Variants in TPST2 observed in about 807,000 individuals in gnomAD.
The protein encoded by TPST2 is protein-tyrosine sulfotransferase 2.
Under a neutral mutation model 27.8 loss-of-function variants are expected in TPST2, and 16 were observed. The observed-to-expected ratio is 0.58, with a 90% CI of 0.39 to 0.88. TPST2 has a LOEUF of 0.88. Ranked by LOEUF, TPST2 falls within the 40% of genes least tolerant of loss-of-function variation. TPST2 has a pLI of 0.00. For missense variants in TPST2, 464 were observed against 543.1 expected (o/e 0.85, Z 1.45); for synonymous variants, 229 against 231.7 (o/e 0.99, Z 0.10).
chr22:26,540,774 A>AG lies in TPST2; in HGVS notation c.842+14dup. 6.4e-7 allele frequency: 1 copy of AG among 1,555,976 alleles called. No homozygotes were observed. Among genetic ancestry groups the AG allele is most frequent in the South Asian group, 1.2e-5 (1 of 83,790 alleles). On this transcript the variant is annotated intron_variant, in intron 3 of 6. Transcript: ENST00000338754. ...GGGCCAGAGTCTGAGTGGAAGCATC[A>AG]GGGGCTCCACTCACTTGGACAGGGA...
chr22:26,556,543 A>G (rs1164860473), intron 1 of TPST2, among the ~76,000 whole-genome samples: 1 of 152,186 alleles, frequency 6.6e-6, no homozygotes, highest in Non-Finnish European at 1.5e-5. Flanking sequence ...TCCATCTCAA[A>G]AAAAAAGTGT....
chr22:26,588,369 G>T (rs1008462814), intron 1 of TPST2, among the ~76,000 whole-genome samples: 2 of 152,168 alleles, frequency 1.3e-5, no homozygotes, highest in African/African-American at 4.8e-5. Context: ...GTCAGTAAGT[G>T]GTTGCCAAGG....
At chr22:26,578,284 G>A (rs61475649) in intron 1 of TPST2, among the ~76,000 whole-genome samples, 2,565 of 152,236 alleles carry the variant, frequency 0.017, 64 homozygotes, top group African/African-American at 0.058. Flanking sequence ...TTTAGCGCCC[G>A]TGTGCTTCGT....
At chr22:26,587,381 G>C (rs1257944955) in intron 1 of TPST2, among the ~76,000 whole-genome samples, 1 of 152,132 alleles carries the variant, frequency 6.6e-6, no homozygotes, top group Non-Finnish European at 1.5e-5. Flanking sequence ...CTGTCACTTA[G>C]ACCGGAGTGC....
intron 1 of TPST2, among the ~76,000 whole-genome samples, chr22:26,557,246 GA>G (rs1289909042): frequency 1.3e-5 from 2 of 152,234 alleles, no homozygotes; most frequent in African/African-American, 4.8e-5. Flanking sequence ...CGCAGTGGAT[GA>G]GGGGAGGCAC....
chr22:26,587,317 C>T (rs1928382402), intron 1 of TPST2, among the ~76,000 whole-genome samples: 2 of 152,126 alleles, frequency 1.3e-5, no homozygotes, highest in Admixed American at 1.3e-4. Context: ...GCTCTGTAAG[C>T]CACTGGGTCC....
At chr22:26,571,550 G>A (rs536036663) in intron 1 of TPST2, among the ~76,000 whole-genome samples, 33 of 152,112 alleles carry the variant, frequency 2.2e-4, no homozygotes, top group African/African-American at 8.0e-4. Flanking sequence ...CTCAGTAGGT[G>A]GTCAATTAAT....
At chr22:26,560,581 T>C (rs1439010892) in intron 1 of TPST2, 3 of 943,880 alleles carry the variant, frequency 3.2e-6, no homozygotes, top group African/African-American at 1.6e-5. Context: ...CATGCATTTT[T>C]TGGGCAAACT....
At chr22:26,532,496 G>T (rs1925222718) in intron 5 of TPST2, among the ~76,000 whole-genome samples, 199 bp downstream of exon 5, 1 of 152,128 alleles carries the variant, frequency 6.6e-6, no homozygotes, top group South Asian at 2.1e-4. Flanking sequence ...GGTCAGGCTG[G>T]TCTTGAACTC....
intron 1 of TPST2, chr22:26,555,121 G>A: frequency 1.9e-6 from 1 of 527,904 alleles, no homozygotes; most frequent in Non-Finnish European, 3.8e-6. Context: ...GTGGAGCTGA[G>A]GGAATTTGCA....
chr22:26,573,722 C>T (rs1040521650), intron 1 of TPST2, among the ~76,000 whole-genome samples: 4 of 152,072 alleles, frequency 2.6e-5, no homozygotes, highest in African/African-American at 9.7e-5. Context: ...AAGCATGAGG[C>T]CTTCGTCCTG....
intron 3 of TPST2, among the ~76,000 whole-genome samples, chr22:26,538,711 A>T (rs1276878130): frequency 1.3e-5 from 2 of 152,120 alleles, no homozygotes; most frequent in African/African-American, 4.8e-5. Flanking sequence ...AATCCCAGCT[A>T]TTTGGGAGGC....
intron 1 of TPST2, among the ~76,000 whole-genome samples, chr22:26,547,135 T>A (rs1926170282): frequency 6.6e-6 from 1 of 152,176 alleles, no homozygotes; most frequent in African/African-American, 2.4e-5. Flanking sequence ...CAGCCCAGGC[T>A]GGAGTGCAGT....
At chr22:26,558,587 A>G (rs1008998377) in intron 1 of TPST2, among the ~76,000 whole-genome samples, 3 of 152,244 alleles carry the variant, frequency 2.0e-5, no homozygotes, top group Admixed American at 6.5e-5. Context: ...CTGGCTGGAC[A>G]GACAAATCAT....
rs752510173 is a variant in TPST2 at position 26,541,134 on chromosome 22, G to A, written c.497C>T (p.Ser166Leu). 21 of 1,607,358 alleles carry A rather than the reference G, an allele frequency of 1.3e-5. No individual in the cohort carries two copies. Among genetic ancestry groups the A allele is most frequent in the Middle Eastern group, 1.7e-4 (1 of 6,036 alleles). ...GGGGAACAGGCGCGACAGGTAGACC[G>A]AGGACTTGAGCGTAAATGGGTCCTT... Reference protein sequence around the residue: ...CNKDPFTLKSSVYLSRLFPNS... With the variant: ...CNKDPFTLKSLVYLSRLFPNS... The change falls in exon 3 of 7, where the codon TCG (serine) becomes TTG (leucine). Residue 166 changes from serine to leucine, a missense_variant. By Grantham distance (145) the Ser-to-Leu change is moderately radical. Coordinates refer to ENST00000338754, the MANE Select transcript of TPST2 (RefSeq NM_003595.5). This position sits in a 1 kb window ranked among gnomAD's most constrained non-coding sequence, Gnocchi z 5.9.
intron 1 of TPST2, among the ~76,000 whole-genome samples, chr22:26,587,134 G>A (rs1191561937): frequency 6.6e-6 from 1 of 152,148 alleles, no homozygotes. Context: ...TTGGGGTCAA[G>A]GGACAAGTCT....
At chr22:26,560,698 GA>G in intron 1 of TPST2, 1 of 1,106,240 alleles carries the variant, frequency 9.0e-7, no homozygotes, top group Non-Finnish European at 1.4e-6. Flanking sequence ...AAAGAGAAAG[GA>G]AAATTTGAAG....
At chr22:26,577,096 A>T (rs867670470) in intron 1 of TPST2, among the ~76,000 whole-genome samples, 2 of 65,082 alleles carry the variant, frequency 3.1e-5, no homozygotes, top group Non-Finnish European at 7.5e-5. Context: ...ACTCTGTTGC[A>T]AAAAAAAAAA....
chr22:26,573,836 C>T (rs573842494), intron 1 of TPST2, among the ~76,000 whole-genome samples: 1 of 152,272 alleles, frequency 6.6e-6, no homozygotes, highest in African/African-American at 2.4e-5. Flanking sequence ...TACTACGAAT[C>T]CGGTTTCCTG....
Sources: allele counts gnomAD v4.1 joint callset (sites outside exome capture counted in the v4.1 genomes callset), GRCh38; gene constraint gnomAD v4.1.1; non-coding constraint Gnocchi (gnomAD v3.1); transcripts MANE v1.5; gene names NCBI Gene and HGNC (gene_info 2026-07-23, HGNC 2026-07-21).